The following LRFN1 variants were observed in gnomAD, a reference collection of about 807,000 sequenced individuals.
LRFN1 encodes the protein leucine-rich repeat and fibronectin type III domain-containing protein 1.
Under a neutral mutation model 31.8 loss-of-function variants are expected in LRFN1, and 20 were observed. The ratio of observed to expected loss-of-function variants is 0.63; its 90% CI spans 0.44 to 0.91. The LOEUF (loss-of-function observed/expected upper bound fraction) is 0.91, where lower values mean the gene tolerates loss of function less well. Among genes scored for constraint, LRFN1 ranks in the 40% least tolerant of loss-of-function variants. The probability of loss-of-function intolerance (pLI) is 0.00; values close to 1 mark genes in which losing one functional copy is unlikely to be tolerated. For synonymous variants in LRFN1, 514 were observed against 541.3 expected, an observed-to-expected ratio of 0.95 and a Z score of 0.70; for missense variants, 912 against 1,129.8, an observed-to-expected ratio of 0.81 and a Z score of 2.76.
chr19:39,312,961 C>G (rs775469854), intron 4 of LRFN1, among the ~76,000 whole-genome samples: 10 of 152,066 alleles, frequency 6.6e-5, no homozygotes, highest in Non-Finnish European at 1.3e-4. Context: ...GCACCCAGCT[C>G]AGGAGTTTGC....
Position 39,314,175 on chromosome 19 carries a change from C to T in LRFN1, c.1162G>A (p.Val388Ile). 1.2e-6 allele frequency: 2 copies of T among 1,613,096 alleles called. No homozygotes were observed. Among genetic ancestry groups the T allele is most frequent in the Non-Finnish European group, 8.5e-7 (1 of 1,179,660 alleles). ...EATAPVEVCV[V>I]PLPLMAPPPA... is the part of the protein sequence containing the mutation. ...GGGGGTGCCATCAGAGGCAGAGGTA[C>T]CACGCACACCTCCACGGGCGCCGTC... Residue 388 changes from valine to isoleucine, a missense_variant, in exon 4 of 5, where the codon GTA becomes ATA. Val to Ile is a conservative substitution (Grantham distance 29). This residue lies in a region of LRFN1 where 401 missense variants were observed against 572.7 expected (regional missense o/e 0.70). Coordinates refer to ENST00000248668, the MANE Select transcript of LRFN1 (RefSeq NM_020862.2).
intron 4 of LRFN1, among the ~76,000 whole-genome samples, chr19:39,313,054 G>A (rs1006060962): frequency 2.0e-5 from 3 of 152,106 alleles, no homozygotes; most frequent in Non-Finnish European, 4.4e-5. Flanking sequence ...GGAGGCGATG[G>A]GAGAAAATAA....
Position 39,315,373 on chromosome 19 carries a change from C to T in LRFN1, c.-37G>A. 1 of 1,429,344 alleles carries T rather than the reference C, an allele frequency of 7.0e-7. No individual in the cohort carries two copies. Among genetic ancestry groups the T allele is most frequent in the Non-Finnish European group, 9.1e-7 (1 of 1,093,896 alleles). 88.5% of individuals were successfully genotyped at this position (1,429,344 alleles called of 1,614,324 possible). On this transcript the variant is annotated splice_region_variant and 5_prime_UTR_variant, in exon 4 of 5. Coordinates refer to ENST00000248668, the MANE Select transcript of LRFN1 (RefSeq NM_020862.2). The surrounding 1 kb of genome is among the most constrained non-coding windows in gnomAD (Gnocchi z 4.7). ...AAGGCAGGAGGGGTGGGAGGTGAGA[C>T]CTGCCGGGGAAGGAGCCGGTTACCC...
rs1011604943 is a variant in LRFN1, at chr19:39,320,803, G to C, written c.-136C>G. 6.8e-6 allele frequency: 1 copy of C among 146,740 alleles called. No homozygotes were observed. Among genetic ancestry groups the C allele is most frequent in the African/African-American group, 2.5e-5 (1 of 40,616 alleles). The allele number at this position is 146,740 out of a possible 1,614,324, so 9.1% of individuals were successfully genotyped here. ...GCAGGCCGCGCTCACCCAGCCCGGG[G>C]GGGCCCCGGGCCCGGCCCCGCCGCC... On this transcript the variant is annotated 5_prime_UTR_variant, in exon 1 of 5. Transcript: ENST00000248668.
intron 2 of LRFN1, among the ~76,000 whole-genome samples, chr19:39,316,589 C>T (rs1176591546): frequency 6.6e-6 from 1 of 152,190 alleles, no homozygotes; most frequent in Non-Finnish European, 1.5e-5. Context: ...ACATCAGAGT[C>T]TTCCAGTTCA....
In LRFN1 at chr19:39,314,228, C is replaced by T. The variant is rs1253841601; in HGVS notation, c.1109G>A (p.Cys370Tyr). ...TTLRDSGTFT[C>Y]IASNAAGEAT... ...TTCCCCAGCAGCATTGGAGGCGATACAAGTGAAGGTGCCACTGTCCCTCAA... is the reference window on the plus strand; with the variant it reads ...TTCCCCAGCAGCATTGGAGGCGATATAAGTGAAGGTGCCACTGTCCCTCAA... Residue 370 changes from cysteine (C) to tyrosine (Y), a missense_variant, in exon 4 of 5, where the codon TGT (cysteine) becomes TAT (tyrosine). Cys to Tyr is a radical substitution (Grantham distance 194). This residue lies in a region of LRFN1 where 401 missense variants were observed against 572.7 expected (regional missense o/e 0.70). Coordinates refer to ENST00000248668, the MANE Select transcript of LRFN1 (RefSeq NM_020862.2). 6.2e-7 allele frequency: 1 copy of T among 1,613,220 alleles called. No individual in the cohort carries two copies. The highest frequency in any genetic ancestry group is 8.5e-7 in the Non-Finnish European group (1 of 1,179,698).
At position 39,311,601 on chromosome 19, in the gene LRFN1, C is replaced by T. The variant is rs542454658; in HGVS notation, c.1406+2330G>A. Among the ~76,000 whole-genome samples, 5 of 152,364 alleles carry T rather than the reference C, an allele frequency of 3.3e-5. No homozygotes were observed. The South Asian group carries it at 1.0e-3, about 32-fold the overall frequency. On this transcript the variant is annotated intron_variant, in intron 4 of 4. Coordinates refer to ENST00000248668, the MANE Select transcript of LRFN1 (RefSeq NM_020862.2). ...GACCTTGGGCAAGTGACATCCCCCACTGAACCTCAGTTTTTCTGTCTTTGA... is the reference window on the plus strand; with the variant it reads ...GACCTTGGGCAAGTGACATCCCCCATTGAACCTCAGTTTTTCTGTCTTTGA...
At chr19:39,311,657 C>T (rs901231892) in intron 4 of LRFN1, among the ~76,000 whole-genome samples, 20 of 152,058 alleles carry the variant, frequency 1.3e-4, no homozygotes, top group Admixed American at 9.8e-4. Context: ...GCCTTCATAG[C>T]GGAGCTGGGA....
chr19:39,314,701 C>T lies in LRFN1; in HGVS notation c.636G>A (p.Leu212=). The stretch of plus-strand genomic sequence containing the variant: ...GGTTGGAGGTCATGTCCAGACGGAC[C>T]AGCTTGTGAAGCTGCACGAAGGTCC... ...AEGTFVQLHK[L]VRLDMTSNRL... is the part of the protein sequence containing the mutation. Residue 212 remains leucine (L), a synonymous_variant, in exon 4 of 5, where the codon CTG becomes CTA. Coordinates refer to ENST00000248668, the MANE Select transcript of LRFN1 (RefSeq NM_020862.2). The T allele has an allele frequency of 6.2e-7, 1 of 1,613,344 alleles. No homozygotes were observed. The highest frequency in any genetic ancestry group is 8.5e-7 in the Non-Finnish European group (1 of 1,179,548).
chr19:39,308,569 G>T lies in LRFN1; in HGVS notation c.1407-27C>A. 1.9e-6 allele frequency: 3 copies of T among 1,549,672 alleles called. No homozygotes were observed. Among genetic ancestry groups the T allele is most frequent in the Non-Finnish European group, 1.7e-6 (2 of 1,152,700 alleles). On this transcript the variant is annotated intron_variant, in intron 4 of 4. Coordinates refer to ENST00000248668, the MANE Select transcript of LRFN1 (RefSeq NM_020862.2). This position sits in a 1 kb window ranked among gnomAD's most constrained non-coding sequence, Gnocchi z 6.2. ...TGTAGGAGGGGGCGGGTTCAGGGCG[G>T]GGTTAGTCCCCCCGAACCACGCCCC...
chr19:39,315,008 G>T lies in LRFN1; in HGVS notation c.329C>A (p.Ala110Asp). ...TIGQVAAGAF[A>D]DLRALRALHL... Reference sequence around the variant, plus strand: ...CAGGGCCCGGAGGGCACGCAGGTCGGCGAAGGCGCCAGCTGCCACCTGGCC... The same window carrying T: ...CAGGGCCCGGAGGGCACGCAGGTCGTCGAAGGCGCCAGCTGCCACCTGGCC... Residue 110 changes from alanine (A) to aspartate (D), a missense_variant, in exon 4 of 5, where the codon GCC becomes GAC. By Grantham distance (126) the Ala-to-Asp change is moderately radical. Coordinates refer to ENST00000248668, the MANE Select transcript of LRFN1 (RefSeq NM_020862.2). This position sits in a 1 kb window ranked among gnomAD's most constrained non-coding sequence, Gnocchi z 4.7. The T allele has an allele frequency of 6.3e-7, 1 of 1,592,724 alleles. No individual in the cohort carries two copies. Among genetic ancestry groups the T allele is most frequent in the East Asian group, 2.2e-5 (1 of 44,560 alleles).
In LRFN1 at chr19:39,311,158, T is replaced by C. The variant is rs2075149240; in HGVS notation, c.1407-2616A>G. Among the ~76,000 whole-genome samples, 6 of 152,286 alleles carry C rather than the reference T, an allele frequency of 3.9e-5. No homozygotes were observed. The South Asian group carries it at 1.0e-3, about 26-fold the overall frequency. On this transcript the variant is annotated intron_variant, in intron 4 of 4. Coordinates refer to ENST00000248668, the MANE Select transcript of LRFN1 (RefSeq NM_020862.2). ...AAAGCTTCAGCCCAAGTGTCTCTAA[T>C]TGGCTGCAGAATTAAAGCAAGCAGC... is the stretch of plus-strand genomic sequence containing the variant.
Position 39,307,674 on chromosome 19 carries a change from C to A in LRFN1, c.2275G>T (p.Ala759Ser). ...LGLGSARACL[A>S]FTSTEWMLES... Reference sequence around the variant, plus strand: ...AGCATCCACTCGGTGCTGGTGAAAGCCAGGCACGCCCTGGCGGAGCCCAGC... The same window carrying A: ...AGCATCCACTCGGTGCTGGTGAAAGACAGGCACGCCCTGGCGGAGCCCAGC... The change falls in exon 5 of 5, where the codon GCT (alanine) becomes TCT (serine). Residue 759 changes from alanine to serine, a missense_variant. Coordinates refer to ENST00000248668, the MANE Select transcript of LRFN1 (RefSeq NM_020862.2). The surrounding 1 kb of genome is among the most constrained non-coding windows in gnomAD (Gnocchi z 6.7). 6.7e-7 allele frequency: 1 copy of A among 1,496,564 alleles called. No homozygotes were observed. The highest frequency in any genetic ancestry group is 8.8e-7 in the Non-Finnish European group (1 of 1,131,714). The allele number at this position is 1,496,564 out of a possible 1,614,324, so 92.7% of individuals were successfully genotyped here.
chr19:39,307,657 C>G lies in LRFN1; in HGVS notation c.2292G>C (p.Glu764Asp), dbSNP rs1340750906. Reference protein sequence around the residue: ...ARACLAFTSTEWMLESTV With the variant: ...ARACLAFTSTDWMLESTV ...CTCACACGGTACTCTCCAGCATCCACTCGGTGCTGGTGAAAGCCAGGCACG... is the reference window on the plus strand; with the variant it reads ...CTCACACGGTACTCTCCAGCATCCAGTCGGTGCTGGTGAAAGCCAGGCACG... Residue 764 changes from glutamate (E) to aspartate (D), a missense_variant, in exon 5 of 5, where the codon GAG becomes GAC. Glu to Asp is a conservative substitution (Grantham distance 45). Around this residue, in one of 2 missense-constraint regions of LRFN1, gnomAD observed 511 missense variants for 557.0 expected, o/e 0.92. Coordinates refer to ENST00000248668, the MANE Select transcript of LRFN1 (RefSeq NM_020862.2). This position sits in a 1 kb window ranked among gnomAD's most constrained non-coding sequence, Gnocchi z 6.7. 6.7e-7 allele frequency: 1 copy of G among 1,481,550 alleles called. No individual in the cohort carries two copies. Among genetic ancestry groups the G allele is most frequent in the Non-Finnish European group, 8.9e-7 (1 of 1,124,964 alleles). The allele number at this position is 1,481,550 out of a possible 1,614,324, so 91.8% of individuals were successfully genotyped here.
chr19:39,308,653 C>G lies in LRFN1; in HGVS notation c.1407-111G>C. The G allele has an allele frequency of 1.0e-6, 1 of 966,686 alleles. No individual in the cohort carries two copies. The highest frequency in any genetic ancestry group is 1.7e-5 in the South Asian group (1 of 57,834). The allele number at this position is 966,686 out of a possible 1,614,324, so 59.9% of individuals were successfully genotyped here. A position where few individuals can be genotyped will look rare whatever the true frequency, so the allele number is the denominator to read the frequency against. ...GGACTAAACCCTGCTATCGAAGTCTCAGCCGCTACTGAGACAACAGCAGCA... is the reference window on the plus strand; with the variant it reads ...GGACTAAACCCTGCTATCGAAGTCTGAGCCGCTACTGAGACAACAGCAGCA... On this transcript the variant is annotated intron_variant, in intron 4 of 4. Transcript: ENST00000248668. The surrounding 1 kb of genome is among the most constrained non-coding windows in gnomAD (Gnocchi z 6.2).
chr19:39,307,060 G>C lies in LRFN1; in HGVS notation c.*573C>G, dbSNP rs2075131144. On this transcript the variant is annotated 3_prime_UTR_variant, in exon 5 of 5. Coordinates refer to ENST00000248668, the MANE Select transcript of LRFN1 (RefSeq NM_020862.2). This position sits in a 1 kb window ranked among gnomAD's most constrained non-coding sequence, Gnocchi z 6.7. ...ACAGAGAGAAAGGAGAGGCAAATAG[G>C]GAAAGACAGGCACTACAGAGAGACG... is the stretch of plus-strand genomic sequence containing the variant. 1 of 378,486 alleles carries C rather than the reference G, an allele frequency of 2.6e-6. No individual in the cohort carries two copies. Among genetic ancestry groups the C allele is most frequent in the East Asian group, 3.8e-5 (1 of 26,304 alleles). The allele number at this position is 378,486 out of a possible 1,614,324, so 23.4% of individuals were successfully genotyped here.
At position 39,308,128 on chromosome 19, in the gene LRFN1, C is replaced by A; in HGVS notation, c.1821G>T (p.Ala607=). 4.6e-6 allele frequency: 7 copies of A among 1,512,596 alleles called. No homozygotes were observed. Among genetic ancestry groups the A allele is most frequent in the South Asian group, 1.3e-5 (1 of 75,380 alleles). The allele number at this position is 1,512,596 out of a possible 1,614,324, so 93.7% of individuals were successfully genotyped here. A position where few individuals can be genotyped will look rare whatever the true frequency, so the allele number is the denominator to read the frequency against. The part of the protein sequence containing the change: ...PALPAQDHYE[A]LREVESQAAP... ...CAGCCTGGGACTCCACCTCGCGCAG[C>A]GCCTCGTAGTGGTCCTGGGCCGGCA... Residue 607 remains alanine, a synonymous_variant, in exon 5 of 5, where the codon GCG becomes GCT. Coordinates refer to ENST00000248668, the MANE Select transcript of LRFN1 (RefSeq NM_020862.2). This position sits in a 1 kb window ranked among gnomAD's most constrained non-coding sequence, Gnocchi z 6.2.
At chr19:39,317,755 A>G (rs1034225471) in intron 2 of LRFN1, among the ~76,000 whole-genome samples, 1 of 152,084 alleles carries the variant, frequency 6.6e-6, no homozygotes, top group African/African-American at 2.4e-5. Context: ...ATGAGATAAT[A>G]TTTTATGACA....
chr19:39,307,129 G>A lies in LRFN1; in HGVS notation c.*504C>T. On this transcript the variant is annotated 3_prime_UTR_variant, in exon 5 of 5. Transcript: ENST00000248668. The surrounding 1 kb of genome is among the most constrained non-coding windows in gnomAD (Gnocchi z 6.7). ...GACAAACGAGGGAAACAGAGAAAGG[G>A]GGACCCCAAGCCAGACCCGACCGGA... 1 of 396,822 alleles carries A rather than the reference G, an allele frequency of 2.5e-6. No individual in the cohort carries two copies. Among genetic ancestry groups the A allele is most frequent in the Non-Finnish European group, 4.4e-6 (1 of 225,472 alleles). 24.6% of individuals were successfully genotyped at this position (396,822 alleles called of 1,614,324 possible). A position where few individuals can be genotyped will look rare whatever the true frequency, so the allele number is the denominator to read the frequency against.
Sources: gnomAD v4.1 joint callset for allele counts (sites outside exome capture counted in the v4.1 genomes callset) on GRCh38, gnomAD v4.1.1 for gene constraint, gnomAD v4.1.1 regional missense constraint, Gnocchi (gnomAD v3.1) non-coding constraint, MANE v1.5 for transcripts, NCBI Gene and HGNC (gene_info 2026-07-23, HGNC 2026-07-21) for gene names.